The following SHOC2 variants were observed in gnomAD, a reference collection of about 807,000 sequenced individuals.
The protein encoded by SHOC2 is leucine-rich repeat protein SHOC-2.
SHOC2 carries 4 observed loss-of-function variants against 50.2 expected under a neutral mutation model. The observed-to-expected ratio is 0.08, with a 90% confidence interval of 0.04 to 0.18. The LOEUF (loss-of-function observed/expected upper bound fraction) is 0.18. Ranked by LOEUF, SHOC2 falls within the 10% of genes least tolerant of loss-of-function variation. The pLI is 1.00. For synonymous variants in SHOC2, 218 were observed against 244.5 expected (o/e 0.89, Z 1.01); for missense variants, 388 against 669.6 (o/e 0.58, Z 4.64).
At chr10:110,994,581 A>G (rs1848237841) in intron 3 of SHOC2, among the ~76,000 whole-genome samples, 1 of 152,186 alleles carries the variant, frequency 6.6e-6, no homozygotes. Context: ...AATGAGGTAT[A>G]TCTGTGTTTA....
At chr10:110,982,021 A>G (rs1234174486) in intron 2 of SHOC2, among the ~76,000 whole-genome samples, 1 of 102,126 alleles carries the variant, frequency 9.8e-6, no homozygotes, top group Non-Finnish European at 1.9e-5. Context: ...CCACCCCACA[A>G]CAGTCCCCAG....
At chr10:110,951,936 G>A (rs1451652988) in intron 1 of SHOC2, 6 of 152,210 alleles carry the variant, frequency 3.9e-5, no homozygotes, top group African/African-American at 1.4e-4. Flanking sequence ...GGGATTACAG[G>A]TGTGAGCCAC....
At chr10:110,947,173 A>G (rs1247110314) in intron 1 of SHOC2, among the ~76,000 whole-genome samples, 5 of 152,204 alleles carry the variant, frequency 3.3e-5, no homozygotes, top group Admixed American at 2.6e-4. Context: ...GTGAGCCCCT[A>G]ACTTTACTGT....
chr10:110,968,164 C>G, intron 2 of SHOC2, among the ~76,000 whole-genome samples: 1 of 152,258 alleles, frequency 6.6e-6, no homozygotes, highest in East Asian at 1.9e-4. Flanking sequence ...ACCATTCTAT[C>G]GTGTGAATTG....
At chr10:110,990,308 A>G (rs963173071) in intron 3 of SHOC2, among the ~76,000 whole-genome samples, 5 of 151,738 alleles carry the variant, frequency 3.3e-5, no homozygotes, top group Admixed American at 6.6e-5. Context: ...GTTTAGCTCA[A>G]GGTTTGTGAG....
At chr10:110,999,219 C>T (rs182650967) in intron 3 of SHOC2, among the ~76,000 whole-genome samples, 150 of 152,296 alleles carry the variant, frequency 9.8e-4, no homozygotes, top group Non-Finnish European at 1.7e-3. Context: ...CTCATAGCAA[C>T]AGTTGTGATT....
chr10:110,939,460 TCCCCCTAC>T (rs888259502), intron 1 of SHOC2, among the ~76,000 whole-genome samples: 2 of 152,118 alleles, frequency 1.3e-5, no homozygotes, highest in Non-Finnish European at 2.9e-5. Flanking sequence ...CCTCAACCAA[TCCCCCTAC>T]CTTGGCTTCC....
At chr10:110,940,413 C>T (rs1224088487) in intron 1 of SHOC2, among the ~76,000 whole-genome samples, 1 of 152,108 alleles carries the variant, frequency 6.6e-6, no homozygotes, top group African/African-American at 2.4e-5. Context: ...GAAGAAGGCA[C>T]ATCTTTAGGG....
rs535867098 is a variant in SHOC2 at position 111,001,634 on chromosome 10, CAG to C, written c.972+1092_972+1093del. On this transcript the variant is annotated intron_variant, in intron 4 of 8. Transcript: ENST00000369452. ...GGACTTATGGATTGATTGAGCTTTG[CAG>C]AGTCTTTTTTTGTAACAAAAATGTC... 3.6e-3 allele frequency among the ~76,000 whole-genome samples: 543 copies of C among 152,276 alleles called. 3 individuals are homozygous for C. Among genetic ancestry groups the C allele is most frequent in the African/African-American group, 0.013 (520 of 41,558 alleles).
chr10:110,956,532 TTGC>T (rs1321120883), intron 1 of SHOC2, among the ~76,000 whole-genome samples: 2 of 152,198 alleles, frequency 1.3e-5, no homozygotes, highest in Admixed American at 6.5e-5. Context: ...CTGTGATACT[TTGC>T]TGCTTTTTAA....
At chr10:110,926,734 TTAA>T (rs1049290035) in intron 1 of SHOC2, among the ~76,000 whole-genome samples, 1 of 152,190 alleles carries the variant, frequency 6.6e-6, no homozygotes, top group African/African-American at 2.4e-5. Context: ...GTAAATTTTG[TTAA>T]TAACCTCATG....
chr10:110,929,458 G>A (rs1846844381), intron 1 of SHOC2, among the ~76,000 whole-genome samples: 1 of 152,318 alleles, frequency 6.6e-6, no homozygotes, highest in Non-Finnish European at 1.5e-5. Flanking sequence ...AGCTTCTGAT[G>A]TGGGAATCTT....
chr10:110,952,246 G>A (rs1483990903), intron 1 of SHOC2, among the ~76,000 whole-genome samples: 1 of 151,956 alleles, frequency 6.6e-6, no homozygotes, highest in Non-Finnish European at 1.5e-5. Flanking sequence ...AAATTGAGTT[G>A]GAAGTACAGA....
intron 1 of SHOC2, among the ~76,000 whole-genome samples, chr10:110,958,597 C>T (rs1590800335): frequency 6.6e-6 from 1 of 152,290 alleles, no homozygotes; most frequent in East Asian, 1.9e-4. Flanking sequence ...CATCTGAAAC[C>T]TTTGCTGTTG....
intron 1 of SHOC2, among the ~76,000 whole-genome samples, chr10:110,952,504 C>T (rs1322857034): frequency 2.0e-5 from 3 of 151,982 alleles, no homozygotes; most frequent in Non-Finnish European, 4.4e-5. Flanking sequence ...TCCTGTGTTC[C>T]ACCTATTCAT....
chr10:110,946,433 A>G lies in SHOC2; in HGVS notation c.-234-17692A>G, dbSNP rs193083800. Among the ~76,000 whole-genome samples the G allele has an allele frequency of 6.6e-5, 10 of 150,848 alleles. 1 individual carries two copies. In the East Asian group the frequency reaches 1.7e-3, roughly 26 times the overall value. ...AATAGTCAGAAGCCCCTGCTTTCACAGTTTTCACATTCATAGAGGAGAGGG... is the reference window on the plus strand; with the variant it reads ...AATAGTCAGAAGCCCCTGCTTTCACGGTTTTCACATTCATAGAGGAGAGGG... On this transcript the variant is annotated intron_variant, in intron 1 of 8. Transcript: ENST00000369452.
upstream of SHOC2, chr10:110,919,578 G>A (rs1369901266): frequency 7.6e-6 from 3 of 393,948 alleles, no homozygotes; most frequent in Non-Finnish European, 1.3e-5. Flanking sequence ...CGGCGGTTGG[G>A]CAGCGTCGCT....
chr10:111,003,781 G>T (rs11814418), intron 4 of SHOC2, among the ~76,000 whole-genome samples: 8,846 of 152,162 alleles, frequency 0.058, 333 homozygotes, highest in African/African-American at 0.11. Flanking sequence ...TGCTGATATT[G>T]CTCTTCCTTG....
intron 6 of SHOC2, among the ~76,000 whole-genome samples, 169 bp from the exon 7 acceptor site, chr10:111,009,079 G>C (rs1848521198): frequency 6.6e-6 from 1 of 151,858 alleles, no homozygotes; most frequent in African/African-American, 2.4e-5. Context: ...TAACTATGGT[G>C]TTTTTTTAGA....
Sources: allele counts gnomAD v4.1 joint callset (sites outside exome capture counted in the v4.1 genomes callset), GRCh38; gene constraint gnomAD v4.1.1; transcripts MANE v1.5; gene names NCBI Gene and HGNC (gene_info 2026-07-23, HGNC 2026-07-21).